The following MPRIP variants were observed in gnomAD, a reference collection of about 807,000 sequenced individuals.
MPRIP encodes the protein myosin phosphatase Rho-interacting protein.
In MPRIP, 59 loss-of-function variants were observed where a neutral mutation model predicts 234.9. The ratio of observed to expected loss-of-function variants is 0.25; its 90% confidence interval spans 0.20 to 0.31. The LOEUF (loss-of-function observed/expected upper bound fraction) is 0.31, where lower values mean the gene tolerates loss of function less well. Ranked by LOEUF, MPRIP falls within the 10% of genes least tolerant of loss-of-function variation. The probability of loss-of-function intolerance (pLI) is 1.00; values close to 1 mark genes in which losing one functional copy is unlikely to be tolerated. For synonymous variants in MPRIP, 1,144 were observed against 1,263.9 expected, an observed-to-expected ratio of 0.91 and a Z score of 2.01; for missense variants, 2,436 against 3,071.0, an observed-to-expected ratio of 0.79 and a Z score of 4.89.
intron 7 of MPRIP, among the ~76,000 whole-genome samples, chr17:17,140,779 G>T (rs2090797226): frequency 6.6e-6 from 1 of 152,230 alleles, no homozygotes; most frequent in Non-Finnish European, 1.5e-5. Context: ...AGTGGGGGAA[G>T]TTGTTTTCCT....
chr17:17,172,208 G>A (rs1321323783), intron 17 of MPRIP, among the ~76,000 whole-genome samples: 2 of 152,226 alleles, frequency 1.3e-5, no homozygotes, highest in Non-Finnish European at 2.9e-5. Context: ...GTCAACGTGG[G>A]ACCACCTCTG....
chr17:17,138,116 C>G lies in MPRIP; in HGVS notation c.937C>G (p.Pro313Ala), dbSNP rs376190965. The G allele has an allele frequency of 1.8e-4, 281 of 1,519,872 alleles. No homozygotes were observed. In the Middle Eastern group the frequency reaches 2.1e-3, roughly 12 times the overall value. The allele number at this position is 1,519,872 out of a possible 1,614,324, so 94.1% of individuals were successfully genotyped here. Reference protein sequence around the residue: ...PESPSQELGGPLPSPGPRLPH... With the variant: ...PESPSQELGGALPSPGPRLPH... ...GTCGCCCTCCCAGGAGCTCGGTGGT[C>G]CTCTTCCTTCCCCAGGTCCTCGACT... Residue 313 changes from proline to alanine, a missense_variant, in exon 7 of 24, where the codon CCT (proline) becomes GCT (alanine). By Grantham distance (27) the Pro-to-Ala change is conservative. Transcript: ENST00000651222. This position sits in a 1 kb window ranked among gnomAD's most constrained non-coding sequence, Gnocchi z 5.8.
At chr17:17,145,044 T>C (rs1002752206) in intron 9 of MPRIP, among the ~76,000 whole-genome samples, 3 of 152,164 alleles carry the variant, frequency 2.0e-5, no homozygotes, top group East Asian at 3.9e-4. Context: ...CAAATAACTC[T>C]GGCGGCAAGG....
intron 3 of MPRIP, among the ~76,000 whole-genome samples, chr17:17,112,781 TGAG>T (rs1196353242): frequency 6.6e-6 from 1 of 152,112 alleles, no homozygotes; most frequent in African/African-American, 2.4e-5. Flanking sequence ...CCGGTGGCGT[TGAG>T]GGGGAGGGAG....
chr17:17,050,333 AAAG>A (rs2143839241), intron 1 of MPRIP, among the ~76,000 whole-genome samples: 2 of 151,878 alleles, frequency 1.3e-5, no homozygotes, highest in African/African-American at 4.8e-5. Flanking sequence ...AAAAAAAAAA[AAAG>A]AGGTGAAATT....
At chr17:17,114,711 CCCACCCA>C (rs2090248272) in intron 3 of MPRIP, among the ~76,000 whole-genome samples, 1 of 144,996 alleles carries the variant, frequency 6.9e-6, no homozygotes, top group East Asian at 2.1e-4. Flanking sequence ...CTACCCCCCG[CCCACCCA>C]CCACCAGTTT....
In MPRIP at chr17:17,192,447, G is replaced by GGGGT. The variant is rs2046613399; in HGVS notation, c.*7553_*7554insGGGT. On this transcript the variant is annotated 3_prime_UTR_variant, in exon 24 of 24. Coordinates refer to ENST00000651222, the MANE Select transcript of MPRIP (RefSeq NM_001364716.4). ...TTTTTTGGGGGGGGGGGGGGGAGGG[G>GGGGT]CGTCTTGAGGCTTTTTTTTTTTTTA... is the stretch of plus-strand genomic sequence containing the variant. 1 of 110,952 alleles carries GGGGT rather than the reference G, an allele frequency of 9.0e-6. No individual in the cohort carries two copies. The allele number at this position is 110,952 out of a possible 1,614,324, so 6.9% of individuals were successfully genotyped here. A position where few individuals can be genotyped will look rare whatever the true frequency, so the allele number is the denominator to read the frequency against.
At chr17:17,108,816 C>T (rs1224588439) in intron 3 of MPRIP, among the ~76,000 whole-genome samples, 1 of 152,206 alleles carries the variant, frequency 6.6e-6, no homozygotes, top group Admixed American at 6.5e-5. Context: ...GGCCTTTGGG[C>T]AGAAAAGGCA....
intron 16 of MPRIP, 195 bp from the exon 17 acceptor site, chr17:17,171,523 G>T (rs1168839062): frequency 3.2e-6 from 2 of 627,410 alleles, no homozygotes; most frequent in Non-Finnish European, 5.6e-6. Flanking sequence ...TTTTCTGAAT[G>T]CTCTGATGGC....
At chr17:17,051,705 A>T (rs899523513) in intron 1 of MPRIP, among the ~76,000 whole-genome samples, 1 of 152,222 alleles carries the variant, frequency 6.6e-6, no homozygotes, top group Non-Finnish European at 1.5e-5. Flanking sequence ...AGGCATTGTC[A>T]CTTCCGTTGG....
chr17:17,102,093 GC>G (rs1199726416), intron 3 of MPRIP, among the ~76,000 whole-genome samples: 1 of 150,426 alleles, frequency 6.6e-6, no homozygotes, highest in Non-Finnish European at 1.5e-5. Context: ...TCCCTATGTT[GC>G]CCAGGCTGGT....
intron 7 of MPRIP, among the ~76,000 whole-genome samples, chr17:17,140,707 G>A (rs2090795235): frequency 6.6e-6 from 1 of 152,190 alleles, no homozygotes; most frequent in South Asian, 2.1e-4. Context: ...TCTGGGCTTC[G>A]ATGTGTCCGT....
chr17:17,089,288 G>A (rs2089660546), intron 3 of MPRIP, among the ~76,000 whole-genome samples: 1 of 152,178 alleles, frequency 6.6e-6, no homozygotes, highest in South Asian at 2.1e-4. Context: ...TCCTTCTGAG[G>A]TCCCGGGGGA....
chr17:17,181,068 G>A (rs559064962), intron 23 of MPRIP, among the ~76,000 whole-genome samples: 1 of 152,350 alleles, frequency 6.6e-6, no homozygotes, highest in South Asian at 2.1e-4. Flanking sequence ...GCCACTTAGT[G>A]GCCTCTGTCT....
At chr17:17,073,658 C>T (rs1172953125) in intron 1 of MPRIP, among the ~76,000 whole-genome samples, 2 of 152,092 alleles carry the variant, frequency 1.3e-5, no homozygotes, top group Non-Finnish European at 2.9e-5. Flanking sequence ...GGGAGTTGTC[C>T]AGCTCCGGCT....
rs1485007280 is a variant in MPRIP at position 17,185,515 on chromosome 17, CA to C, written c.*623del. 2.2e-6 allele frequency: 1 copy of C among 457,200 alleles called. No individual in the cohort carries two copies. Among genetic ancestry groups the C allele is most frequent in the African/African-American group, 2.0e-5 (1 of 50,060 alleles). The allele number at this position is 457,200 out of a possible 1,614,324, so 28.3% of individuals were successfully genotyped here. ...TTCACAACCTGGAAAATGTTGAAAG[CA>C]ACCATTCCTATTTTTGTTTGTTTTT... On this transcript the variant is annotated 3_prime_UTR_variant, in exon 24 of 24. Coordinates refer to ENST00000651222, the MANE Select transcript of MPRIP (RefSeq NM_001364716.4).
intron 11 of MPRIP, 92 bp downstream of exon 11, chr17:17,147,479 T>C (rs1308736270): frequency 3.3e-6 from 4 of 1,216,280 alleles, no homozygotes; most frequent in Non-Finnish European, 4.9e-6. Flanking sequence ...CCTGGGCTAA[T>C]GTCCCCACTT....
chr17:17,153,400 G>A (rs1280141583), intron 12 of MPRIP, among the ~76,000 whole-genome samples: 3 of 152,084 alleles, frequency 2.0e-5, no homozygotes, highest in Admixed American at 2.0e-4. Flanking sequence ...CTGTTGGGCA[G>A]GTGCCTGTAG....
intron 3 of MPRIP, among the ~76,000 whole-genome samples, chr17:17,121,185 G>A (rs926684863): frequency 4.6e-5 from 7 of 152,210 alleles, no homozygotes; most frequent in Non-Finnish European, 7.3e-5. Flanking sequence ...TGGTCCTTGT[G>A]TAAATATTCT....
Sources: gnomAD v4.1 joint callset for allele counts (sites outside exome capture counted in the v4.1 genomes callset) on GRCh38, gnomAD v4.1.1 for gene constraint, Gnocchi (gnomAD v3.1) non-coding constraint, MANE v1.5 for transcripts, NCBI Gene and HGNC (gene_info 2026-07-23, HGNC 2026-07-21) for gene names.